The following MRPL42 variants were observed in gnomAD, a reference collection of about 807,000 sequenced individuals.
The protein encoded by MRPL42 is mitochondrial ribosomal protein L42, also known as large ribosomal subunit protein mL42.
MRPL42 carries 17 observed loss-of-function variants against 17.9 expected under a neutral mutation model. The ratio of observed to expected loss-of-function variants is 0.95; its 90% CI spans 0.65 to 1.42. The LOEUF (loss-of-function observed/expected upper bound fraction) is 1.42. MRPL42 is among the 40% of genes most tolerant of loss of function. The pLI is 0.00. For missense variants in MRPL42, 177 were observed against 175.2 expected, an observed-to-expected ratio of 1.01 and a Z score of -0.06; for synonymous variants, 59 against 54.4, an observed-to-expected ratio of 1.08 and a Z score of -0.37.
intron 5 of MRPL42, among the ~76,000 whole-genome samples, chr12:93,496,307 C>A (rs1449527156): frequency 3.3e-5 from 5 of 152,082 alleles, no homozygotes; most frequent in African/African-American, 9.7e-5. Context: ...GATCCACCCA[C>A]CTCGGGCTCC....
At position 93,512,506 on chromosome 12, in the gene MRPL42, T is replaced by A. The variant is rs1953734185; in HGVS notation, c.*11285T>A. ...TATAAATTGGCCAGCTAGAGTTACC[T>A]GAAGTTACTATCTTCAATTATCTGA... On this transcript the variant is annotated 3_prime_UTR_variant, in exon 6 of 6. Coordinates refer to ENST00000549982, the MANE Select transcript of MRPL42 (RefSeq NM_014050.4). 6.6e-6 allele frequency: 1 copy of A among 152,548 alleles called. No individual in the cohort carries two copies. The highest frequency in any genetic ancestry group is 1.5e-5 in the Non-Finnish European group (1 of 68,046). The allele number at this position is 152,548 out of a possible 1,614,324, so 9.4% of individuals were successfully genotyped here.
chr12:93,476,732 A>T (rs2121184956), intron 2 of MRPL42, among the ~76,000 whole-genome samples: 1 of 152,246 alleles, frequency 6.6e-6, no homozygotes, highest in East Asian at 1.9e-4. Context: ...AACAGTGCTT[A>T]TCCTCTATGT....
intron 4 of MRPL42, among the ~76,000 whole-genome samples, chr12:93,485,519 G>A (rs1880701527): frequency 6.6e-6 from 1 of 150,686 alleles, no homozygotes; most frequent in Non-Finnish European, 1.5e-5. Flanking sequence ...TAATACAGTG[G>A]TAGAATGTAG....
intron 5 of MRPL42, 31 bp from the exon 6 acceptor site, chr12:93,501,145 A>G: frequency 2.0e-6 from 3 of 1,513,814 alleles, no homozygotes; most frequent in South Asian, 1.2e-5. Flanking sequence ...TATTAAAATC[A>G]TCTTATTCCA....
chr12:93,475,254 A>G (rs1239859864), intron 2 of MRPL42, among the ~76,000 whole-genome samples: 1 of 151,870 alleles, frequency 6.6e-6, no homozygotes, highest in African/African-American at 2.4e-5. Context: ...AGCTGGGATT[A>G]CAGGCATGCA....
Position 93,509,198 on chromosome 12 carries a change from A to AAC in MRPL42, c.*7978_*7979insCA, listed in dbSNP as rs1365333124. The AAC allele has an allele frequency of 2.0e-5, 3 of 151,702 alleles. No homozygotes were observed. The highest frequency in any genetic ancestry group is 4.8e-5 in the African/African-American group (2 of 41,282). 9.4% of individuals were successfully genotyped at this position (151,702 alleles called of 1,614,324 possible). On this transcript the variant is annotated 3_prime_UTR_variant, in exon 6 of 6. Transcript: ENST00000549982. Reference sequence around the variant, plus strand: ...ACGAGATTCCGTCTCAAAAAAAAAAAAAAAACTGCCAAAACGCTTTTTGCA... The same window carrying AAC: ...ACGAGATTCCGTCTCAAAAAAAAAAAACAAAAACTGCCAAAACGCTTTTTGCA...
intron 5 of MRPL42, 146 bp from the exon 6 acceptor site, chr12:93,501,030 C>A: frequency 8.7e-6 from 5 of 572,826 alleles, no homozygotes; most frequent in South Asian, 2.4e-5. Context: ...GAGAATGTGG[C>A]TTATTACTAA....
rs375744452 is a variant in MRPL42, at chr12:93,486,827, C to CT, written c.220-660dup. Among the ~76,000 whole-genome samples, 510 of 148,442 alleles carry CT rather than the reference C, an allele frequency of 3.4e-3. 3 individuals carry two copies. Among genetic ancestry groups the CT allele is most frequent in the African/African-American group, 0.012 (483 of 40,532 alleles). ...CATTAAATGAGGGCTTTCTTTTTTT[C>CT]TTTTTTTTTTATTTGTAGTAGAGAC... On this transcript the variant is annotated intron_variant, in intron 4 of 5. Transcript: ENST00000549982.
rs572819073 is a variant in MRPL42 at position 93,513,469 on chromosome 12, G to A, written c.*12248G>A. The A allele has an allele frequency of 6.6e-6, 1 of 152,180 alleles. No individual in the cohort carries two copies. The highest frequency in any genetic ancestry group is 2.1e-4 in the South Asian group (1 of 4,816). 9.4% of individuals were successfully genotyped at this position (152,180 alleles called of 1,614,324 possible). The stretch of plus-strand genomic sequence containing the variant: ...CCACAAGTGTTGAGATGACAGGTGT[G>A]AGCCACCTTGCTTGACCTAAAAACT... On this transcript the variant is annotated 3_prime_UTR_variant, in exon 6 of 6. Coordinates refer to ENST00000549982, the MANE Select transcript of MRPL42 (RefSeq NM_014050.4).
At chr12:93,479,535 T>C in intron 4 of MRPL42, 63 bp downstream of exon 4, 1 of 1,052,856 alleles carries the variant, frequency 9.5e-7, no homozygotes, top group Non-Finnish European at 1.4e-6. Flanking sequence ...CACTTCTTTA[T>C]AGTATCCAAA....
At chr12:93,488,465 T>G in intron 5 of MRPL42, 1 of 386,146 alleles carries the variant, frequency 2.6e-6, no homozygotes, top group Non-Finnish European at 4.6e-6. Context: ...AATGGGGGAA[T>G]TTAACCAGAG....
At chr12:93,468,224 G>A (rs1054659635) in intron 1 of MRPL42, among the ~76,000 whole-genome samples, 1 of 152,216 alleles carries the variant, frequency 6.6e-6, no homozygotes, top group African/African-American at 2.4e-5. Context: ...CGGTGTTAAT[G>A]TACTGGCAGT....
rs758830740 is a variant in MRPL42 at position 93,478,493 on chromosome 12, C to T, written c.135-895C>T. Among the ~76,000 whole-genome samples, 4 of 152,126 alleles carry T rather than the reference C, an allele frequency of 2.6e-5. No individual in the cohort carries two copies. In the East Asian group the frequency reaches 5.8e-4, roughly 22 times the overall value. On this transcript the variant is annotated intron_variant, in intron 3 of 5. Coordinates refer to ENST00000549982, the MANE Select transcript of MRPL42 (RefSeq NM_014050.4). Reference sequence around the variant, plus strand: ...CTCAAACTCCTGAGCTCAAGTGATCCGCCTTGGCCTCCCAAAGTATAAGGA... The same window carrying T: ...CTCAAACTCCTGAGCTCAAGTGATCTGCCTTGGCCTCCCAAAGTATAAGGA...
At chr12:93,491,510 G>A (rs543956039) in intron 5 of MRPL42, among the ~76,000 whole-genome samples, 4 of 152,088 alleles carry the variant, frequency 2.6e-5, no homozygotes, top group Non-Finnish European at 2.9e-5. Context: ...TGAGCTATAT[G>A]CTTTGTAAAT....
At position 93,513,694 on chromosome 12, in the gene MRPL42, AATTCT is replaced by A. The variant is rs1359696139; in HGVS notation, c.*12477_*12481del. 2.0e-5 allele frequency: 3 copies of A among 152,114 alleles called. No homozygotes were observed. The highest frequency in any genetic ancestry group is 4.8e-5 in the African/African-American group (2 of 41,430). 9.4% of individuals were successfully genotyped at this position (152,114 alleles called of 1,614,324 possible). A position where few individuals can be genotyped will look rare whatever the true frequency, so the allele number is the denominator to read the frequency against. ...TCTCTTTCCGTTTTATGTGTGTTCC[AATTCT>A]ATTTATTGAAATTTAATTTTATATC... On this transcript the variant is annotated 3_prime_UTR_variant, in exon 6 of 6. Coordinates refer to ENST00000549982, the MANE Select transcript of MRPL42 (RefSeq NM_014050.4).
intron 5 of MRPL42, among the ~76,000 whole-genome samples, chr12:93,495,445 T>C (rs542051263): frequency 2.0e-5 from 3 of 152,258 alleles, no homozygotes; most frequent in African/African-American, 7.2e-5. Flanking sequence ...ATGTTGCCCA[T>C]GCTGGTCTCC....
intron 4 of MRPL42, among the ~76,000 whole-genome samples, chr12:93,484,227 TTTA>T (rs772540789): frequency 1.3e-5 from 2 of 152,082 alleles, no homozygotes; most frequent in Non-Finnish European, 2.9e-5. Context: ...TGCCTAGTCA[TTTA>T]TTATTATTTT....
rs1953767561 is a variant in MRPL42, at chr12:93,515,156, G to A, written c.*13935G>A. 1 of 152,086 alleles carries A rather than the reference G, an allele frequency of 6.6e-6. No homozygotes were observed. The highest frequency in any genetic ancestry group is 2.4e-5 in the African/African-American group (1 of 41,394). The allele number at this position is 152,086 out of a possible 1,614,324, so 9.4% of individuals were successfully genotyped here. A position where few individuals can be genotyped will look rare whatever the true frequency, so the allele number is the denominator to read the frequency against. On this transcript the variant is annotated 3_prime_UTR_variant, in exon 6 of 6. Transcript: ENST00000549982. Reference sequence around the variant, plus strand: ...GTAACCAAAGAAGATTTTTGGCAGGGGATGATGCATTCAGAGCCTTCACTC... The same window carrying A: ...GTAACCAAAGAAGATTTTTGGCAGGAGATGATGCATTCAGAGCCTTCACTC...
intron 5 of MRPL42, among the ~76,000 whole-genome samples, chr12:93,490,533 TATC>T (rs1405066089): frequency 2.0e-5 from 3 of 152,258 alleles, no homozygotes; most frequent in South Asian, 4.1e-4. Flanking sequence ...TGTCATCACT[TATC>T]ATTCAACACA....
Sources: allele counts gnomAD v4.1 joint callset (sites outside exome capture counted in the v4.1 genomes callset), GRCh38; gene constraint gnomAD v4.1.1; transcripts MANE v1.5; gene names NCBI Gene and HGNC (gene_info 2026-07-23, HGNC 2026-07-21).